Variants in UBE2R2 observed in about 807,000 individuals in gnomAD.
UBE2R2 encodes the protein ubiquitin conjugating enzyme E2 R2, also known as ubiquitin-conjugating enzyme E2 R2.
A neutral mutation model predicts 27.8 loss-of-function variants in UBE2R2; 1 was observed. That is an observed-to-expected ratio of 0.04 (90% CI 0.01 to 0.17). UBE2R2 has a LOEUF of 0.17. UBE2R2 is among the 10% of genes least tolerant of loss of function. UBE2R2 has a pLI of 1.00. For missense variants in UBE2R2, 100 were observed against 291.0 expected, an observed-to-expected ratio of 0.34 and a Z score of 4.78; for synonymous variants, 106 against 113.3, an observed-to-expected ratio of 0.94 and a Z score of 0.41.
chr9:33,882,607 A>T (rs1254234106), intron 1 of UBE2R2, among the ~76,000 whole-genome samples: 1 of 152,076 alleles, frequency 6.6e-6, no homozygotes, highest in Non-Finnish European at 1.5e-5. Flanking sequence ...AGAAATCAAG[A>T]TCTTTGAGGG....
At chr9:33,901,392 C>G (rs1437158719) in intron 3 of UBE2R2, among the ~76,000 whole-genome samples, 3 of 152,126 alleles carry the variant, frequency 2.0e-5, no homozygotes, top group Non-Finnish European at 4.4e-5. Context: ...TAGCTTTTCT[C>G]CACTGTAAAG....
intron 1 of UBE2R2, among the ~76,000 whole-genome samples, chr9:33,845,881 G>A (rs768542387): frequency 1.6e-4 from 25 of 152,036 alleles, no homozygotes; most frequent in Non-Finnish European, 1.6e-4. Flanking sequence ...GGTGGCTCAC[G>A]CCTGTAATTC....
At chr9:33,833,307 C>T (rs543991761) in intron 1 of UBE2R2, among the ~76,000 whole-genome samples, 23 of 152,236 alleles carry the variant, frequency 1.5e-4, no homozygotes, top group South Asian at 8.3e-4. Context: ...CCTCGTGATC[C>T]GCCTGCCTTG....
intron 1 of UBE2R2, among the ~76,000 whole-genome samples, chr9:33,871,997 C>T (rs565046247): frequency 4.0e-4 from 61 of 152,252 alleles, no homozygotes; most frequent in African/African-American, 1.5e-3. Context: ...CAGGTGTGAG[C>T]CACTGCACCC....
intron 1 of UBE2R2, chr9:33,818,634 A>G (rs1825894228): frequency 6.6e-6 from 1 of 151,384 alleles, no homozygotes; most frequent in Non-Finnish European, 1.5e-5. Context: ...TACCTCAGTC[A>G]CTGGTTCTTT....
chr9:33,876,708 G>A (rs1420248712), intron 1 of UBE2R2, among the ~76,000 whole-genome samples: 1 of 152,172 alleles, frequency 6.6e-6, no homozygotes, highest in East Asian at 1.9e-4. Flanking sequence ...GAGGTCAGGA[G>A]ATCGAGACCA....
chr9:33,852,326 C>T (rs937062665), intron 1 of UBE2R2, among the ~76,000 whole-genome samples: 1 of 152,108 alleles, frequency 6.6e-6, no homozygotes, highest in African/African-American at 2.4e-5. Context: ...AAAATTTGAT[C>T]ACACTAGTGT....
chr9:33,880,756 T>C lies in UBE2R2; in HGVS notation c.178-6125T>C, dbSNP rs1043352810. The stretch of plus-strand genomic sequence containing the variant: ...GAGGTGAGCTCAGCCTCCAGTCAGA[T>C]CAGCTCAGGCATTAGATTCTCAAGG... On this transcript the variant is annotated intron_variant, in intron 1 of 4. Transcript: ENST00000263228. 1.2e-4 allele frequency among the ~76,000 whole-genome samples: 18 copies of C among 152,318 alleles called. No homozygotes were observed. The East Asian group carries it at 1.7e-3, about 15-fold the overall frequency.
At chr9:33,871,886 AT>A (rs1386083613) in intron 1 of UBE2R2, among the ~76,000 whole-genome samples, 2 of 151,602 alleles carry the variant, frequency 1.3e-5, no homozygotes, top group African/African-American at 4.9e-5. Flanking sequence ...AATTTTTTGT[AT>A]TTTTTTAGTA....
chr9:33,851,209 A>G (rs1429315227), intron 1 of UBE2R2, among the ~76,000 whole-genome samples: 1 of 150,802 alleles, frequency 6.6e-6, no homozygotes, highest in Non-Finnish European at 1.5e-5. Context: ...TTACAAATTC[A>G]AAGAACTATT....
intron 1 of UBE2R2, among the ~76,000 whole-genome samples, chr9:33,842,884 T>TA: frequency 6.6e-6 from 1 of 151,994 alleles, no homozygotes; most frequent in South Asian, 2.1e-4. Context: ...GCTCAGGAAA[T>TA]ATATTCTAGC....
intron 1 of UBE2R2, among the ~76,000 whole-genome samples, chr9:33,856,519 T>G (rs1821104310): frequency 6.6e-6 from 1 of 152,140 alleles, no homozygotes; most frequent in South Asian, 2.1e-4. Context: ...GAACATGAGT[T>G]TAGCTCTTTC....
chr9:33,859,443 T>C (rs886313511), intron 1 of UBE2R2, among the ~76,000 whole-genome samples: 1 of 152,286 alleles, frequency 6.6e-6, no homozygotes, highest in South Asian at 2.1e-4. Flanking sequence ...AATATCCCTG[T>C]TTTAACATAG....
At chr9:33,873,865 A>G (rs373740231) in intron 1 of UBE2R2, among the ~76,000 whole-genome samples, 2 of 151,868 alleles carry the variant, frequency 1.3e-5, no homozygotes, top group African/African-American at 4.8e-5. Flanking sequence ...CTGAACTTGA[A>G]CTTCTGGGCT....
At chr9:33,884,042 C>T (rs1003736785) in intron 1 of UBE2R2, among the ~76,000 whole-genome samples, 4 of 151,944 alleles carry the variant, frequency 2.6e-5, no homozygotes, top group Admixed American at 6.6e-5. Flanking sequence ...CTTGTAGTCC[C>T]ATCTACTCAG....
intron 1 of UBE2R2, among the ~76,000 whole-genome samples, chr9:33,861,430 C>G (rs532311753): frequency 5.9e-5 from 9 of 152,034 alleles, no homozygotes; most frequent in South Asian, 2.1e-4. Context: ...TACAAAAATA[C>G]AAAAGTTAGC....
At chr9:33,888,938 G>C (rs948938346) in intron 2 of UBE2R2, among the ~76,000 whole-genome samples, 4 of 152,142 alleles carry the variant, frequency 2.6e-5, no homozygotes, top group African/African-American at 9.7e-5. Context: ...TGTTTCTTAT[G>C]TAAGATATCT....
At chr9:33,900,992 G>A (rs771476358) in intron 3 of UBE2R2, among the ~76,000 whole-genome samples, 7 of 151,890 alleles carry the variant, frequency 4.6e-5, no homozygotes, top group South Asian at 2.1e-4. Flanking sequence ...GTGTCTTCCC[G>A]TCACCCAGAC....
At chr9:33,823,714 G>A (rs1281735518) in intron 1 of UBE2R2, among the ~76,000 whole-genome samples, 2 of 152,152 alleles carry the variant, frequency 1.3e-5, no homozygotes, top group Non-Finnish European at 2.9e-5. Context: ...TTGCCTTTTT[G>A]AGACAGGGAT....
Sources: gnomAD v4.1 joint callset for allele counts (sites outside exome capture counted in the v4.1 genomes callset) on GRCh38, gnomAD v4.1.1 for gene constraint, MANE v1.5 for transcripts, NCBI Gene and HGNC (gene_info 2026-07-23, HGNC 2026-07-21) for gene names.